Variants in STK32B observed in about 807,000 individuals in gnomAD.
STK32B encodes serine/threonine-protein kinase 32B.
A neutral mutation model predicts 52.6 loss-of-function variants in STK32B; 43 were observed. That is an observed-to-expected ratio of 0.82 (90% CI 0.64 to 1.05). The LOEUF is 1.05. Ranked by LOEUF, STK32B falls within the 50% of genes least tolerant of loss-of-function variation. The pLI, the probability that STK32B is intolerant of heterozygous loss-of-function variation, is 0.00. For synonymous variants in STK32B, 238 were observed against 204.3 expected (o/e 1.17, Z -1.41); for missense variants, 621 against 534.6 (o/e 1.16, Z -1.59).
At chr4:5,226,500 A>T (rs967604439) in intron 3 of STK32B, among the ~76,000 whole-genome samples, 1 of 152,190 alleles carries the variant, frequency 6.6e-6, no homozygotes, top group Admixed American at 6.5e-5. Context: ...ATGAAATCTC[A>T]TGCCTGCCCC....
At chr4:5,127,138 T>G in intron 1 of STK32B, 3 of 508,226 alleles carry the variant, frequency 5.9e-6, no homozygotes, top group Non-Finnish European at 7.9e-6. Flanking sequence ...GCTAGGATCT[T>G]GATGCCAATG....
chr4:5,071,306 T>C (rs1244996754), intron 1 of STK32B, among the ~76,000 whole-genome samples: 2 of 152,196 alleles, frequency 1.3e-5, no homozygotes, highest in Non-Finnish European at 2.9e-5. Flanking sequence ...TTTGCATATA[T>C]GTATACAGTT....
At chr4:5,167,338 C>T (rs1329219354) in intron 2 of STK32B, among the ~76,000 whole-genome samples, 1 of 152,166 alleles carries the variant, frequency 6.6e-6, no homozygotes, top group African/African-American at 2.4e-5. Flanking sequence ...ATGCTTTATC[C>T]ATAAGGTTCT....
chr4:5,065,450 T>C (rs1742382233), intron 1 of STK32B, among the ~76,000 whole-genome samples: 1 of 152,096 alleles, frequency 6.6e-6, no homozygotes, highest in African/African-American at 2.4e-5. Flanking sequence ...CTGCAAGTGG[T>C]CCATGAGTGC....
intron 4 of STK32B, among the ~76,000 whole-genome samples, chr4:5,337,331 T>C (rs1732776725): frequency 6.6e-6 from 1 of 152,128 alleles, no homozygotes; most frequent in South Asian, 2.1e-4. Context: ...GCAGACACGC[T>C]ATTCAACCAT....
chr4:5,229,460 T>A (rs1724104020), intron 3 of STK32B, among the ~76,000 whole-genome samples: 1 of 152,116 alleles, frequency 6.6e-6, no homozygotes, highest in Non-Finnish European at 1.5e-5. Context: ...AGAAAATAGT[T>A]TTCTTTGTTT....
intron 4 of STK32B, among the ~76,000 whole-genome samples, chr4:5,338,132 G>A (rs752380794): frequency 5.3e-5 from 8 of 152,200 alleles, no homozygotes; most frequent in Non-Finnish European, 8.8e-5. Flanking sequence ...GTAACAAAAT[G>A]TGTTTGTAAA....
chr4:5,220,489 A>G (rs895066990), intron 3 of STK32B, among the ~76,000 whole-genome samples: 35 of 152,354 alleles, frequency 2.3e-4, no homozygotes, highest in African/African-American at 8.4e-4. Context: ...TGAAGGATTA[A>G]TGACAGGTGT....
At chr4:5,105,816 GC>G (rs1714076293) in intron 1 of STK32B, among the ~76,000 whole-genome samples, 1 of 151,912 alleles carries the variant, frequency 6.6e-6, no homozygotes, top group Admixed American at 6.5e-5. Context: ...ACCCGCCTCG[GC>G]CACCCAAAGT....
intron 6 of STK32B, among the ~76,000 whole-genome samples, chr4:5,424,815 C>T (rs1474890510): frequency 6.6e-6 from 1 of 152,130 alleles, no homozygotes; most frequent in Non-Finnish European, 1.5e-5. Flanking sequence ...ACGTTGTGAA[C>T]ACAAGAAGGA....
intron 3 of STK32B, among the ~76,000 whole-genome samples, chr4:5,225,528 C>T (rs1475217156): frequency 1.3e-5 from 2 of 152,156 alleles, no homozygotes; most frequent in Non-Finnish European, 2.9e-5. Flanking sequence ...TCCATGGTTT[C>T]AGTTACCTGC....
chr4:5,024,190 G>A, the STK32B span, among the ~76,000 whole-genome samples: 1 of 152,170 alleles, frequency 6.6e-6, no homozygotes, highest in African/African-American at 2.4e-5. Context: ...AGATGTTACT[G>A]TGATGGTATT....
chr4:5,065,681 A>G (rs1192950425), intron 1 of STK32B, among the ~76,000 whole-genome samples: 1 of 152,182 alleles, frequency 6.6e-6, no homozygotes, highest in African/African-American at 2.4e-5. Flanking sequence ...GCTGAGAGTC[A>G]ATAAATTAAT....
At chr4:5,307,054 C>T (rs1161577384) in intron 3 of STK32B, among the ~76,000 whole-genome samples, 3 of 152,120 alleles carry the variant, frequency 2.0e-5, no homozygotes. Context: ...ATGCTCTTGC[C>T]TCACAGCTCT....
intron 6 of STK32B, 21 bp from the exon 7 acceptor site, chr4:5,446,652 T>C: frequency 1.2e-6 from 2 of 1,610,590 alleles, no homozygotes; most frequent in South Asian, 1.1e-5. Flanking sequence ...AATGATGTTC[T>C]CCTTGTCCTC....
intron 3 of STK32B, among the ~76,000 whole-genome samples, chr4:5,230,178 C>T (rs1207595064): frequency 2.0e-4 from 14 of 71,122 alleles, no homozygotes; most frequent in African/African-American, 3.9e-4. Context: ...CATGCATTCC[C>T]TTTTTTTTTT....
intron 3 of STK32B, among the ~76,000 whole-genome samples, chr4:5,298,213 G>A (rs112538806): frequency 0.1 from 15,266 of 152,190 alleles, 1,653 homozygotes; most frequent in African/African-American, 0.27. Flanking sequence ...TGTATAAGGT[G>A]TCTGTCGACC....
intron 6 of STK32B, among the ~76,000 whole-genome samples, chr4:5,430,678 T>C (rs978341010): frequency 1.3e-5 from 2 of 152,238 alleles, no homozygotes; most frequent in African/African-American, 4.8e-5. Flanking sequence ...GACATGTTTC[T>C]TTTACTACTA....
intron 5 of STK32B, among the ~76,000 whole-genome samples, chr4:5,407,362 T>C (rs1448322904): frequency 6.6e-6 from 1 of 152,116 alleles, no homozygotes; most frequent in East Asian, 1.9e-4. Context: ...ATCTGAGCCC[T>C]CCGCACTCTT....
Sources: gnomAD v4.1 joint callset for allele counts (sites outside exome capture counted in the v4.1 genomes callset) on GRCh38, gnomAD v4.1.1 for gene constraint, MANE v1.5 for transcripts, NCBI Gene and HGNC (gene_info 2026-07-23, HGNC 2026-07-21) for gene names.